The following TCN2 variants were observed in gnomAD, a reference collection of about 807,000 sequenced individuals.
TCN2 encodes transcobalamin 2, also known as transcobalamin-2.
A neutral mutation model predicts 48.6 loss-of-function variants in TCN2; 34 were observed. The ratio of observed to expected loss-of-function variants is 0.70; its 90% CI spans 0.53 to 0.93. The LOEUF (loss-of-function observed/expected upper bound fraction) is 0.93, where lower values mean the gene tolerates loss of function less well. TCN2 is among the 40% of genes least tolerant of loss of function. The pLI, the probability that TCN2 is intolerant of heterozygous loss-of-function variation, is 0.00. For missense variants in TCN2, 652 were observed against 526.1 expected (o/e 1.24, Z -2.34); for synonymous variants, 283 against 212.5 (o/e 1.33, Z -2.89).
rs2087736874 is a variant in TCN2 at position 30,623,740 on chromosome 22, A to ATACACATATATATG, written c.1222+659_1222+660insCACATATATATGTA. 4.4e-5 allele frequency among the ~76,000 whole-genome samples: 3 copies of ATACACATATATATG among 68,018 alleles called. 1 individual carries two copies. The South Asian group carries it at 8.5e-4, about 19-fold the overall frequency. 44.6% of individuals were successfully genotyped at this position (68,018 alleles called of 152,430 possible). On this transcript the variant is annotated intron_variant, in intron 8 of 8. Coordinates refer to ENST00000215838, the MANE Select transcript of TCN2 (RefSeq NM_000355.4). ...GACACACATATATATGTATACATAT[A>ATACACATATATATG]TATACACACATATATATGTATATAT...
rs1381802835 is a variant in TCN2, at chr22:30,623,183, G to A, written c.1222+100G>A. On this transcript the variant is annotated intron_variant, in intron 8 of 8. Coordinates refer to ENST00000215838, the MANE Select transcript of TCN2 (RefSeq NM_000355.4). ...CCCAGCTTTCCCTAGCACCCTCCTGGGCCACACCTTCACAAAATCACTGAT... is the reference window on the plus strand; with the variant it reads ...CCCAGCTTTCCCTAGCACCCTCCTGAGCCACACCTTCACAAAATCACTGAT... The A allele has an allele frequency of 5.3e-6, 6 of 1,121,586 alleles. No individual in the cohort carries two copies. The Admixed American group carries it at 9.4e-5, about 18-fold the overall frequency. The allele number at this position is 1,121,586 out of a possible 1,614,324, so 69.5% of individuals were successfully genotyped here. A position where few individuals can be genotyped will look rare whatever the true frequency, so the allele number is the denominator to read the frequency against.
In TCN2 at chr22:30,613,037, C is replaced by T. The variant is rs534564986; in HGVS notation, c.422C>T (p.Ala141Val). Residue 141 changes from alanine (A) to valine (V), a missense_variant, in exon 3 of 9, where the codon GCC (alanine) becomes GTC (valine). Coordinates refer to ENST00000215838, the MANE Select transcript of TCN2 (RefSeq NM_000355.4). ...TGGTTCCTGGAGGATGAGAAGAGAG[C>T]CATTGGTGAGCAGACACCATCCGCT... is the stretch of plus-strand genomic sequence containing the variant. ...LKWFLEDEKR[A>V]IGHDHKGHPH... The T allele has an allele frequency of 6.2e-7, 1 of 1,613,780 alleles. No individual in the cohort carries two copies. Among genetic ancestry groups the T allele is most frequent in the Non-Finnish European group, 8.5e-7 (1 of 1,179,912 alleles).
At chr22:30,611,401 C>T (rs773012921) in intron 2 of TCN2, among the ~76,000 whole-genome samples, 1 of 152,210 alleles carries the variant, frequency 6.6e-6, no homozygotes, top group South Asian at 2.1e-4. Context: ...TCGATGACTG[C>T]AGTCTTCTAC....
Position 30,620,114 on chromosome 22 carries a change from G to A in TCN2, c.1106+2619G>A, listed in dbSNP as rs146274277. ...CAAGGCGGCAGCAAGCTATGATGACGTCACTGTCCTGTAGCCTGGATGACA... is the reference window on the plus strand; with the variant it reads ...CAAGGCGGCAGCAAGCTATGATGACATCACTGTCCTGTAGCCTGGATGACA... On this transcript the variant is annotated intron_variant, in intron 7 of 8. Coordinates refer to ENST00000215838, the MANE Select transcript of TCN2 (RefSeq NM_000355.4). Among the ~76,000 whole-genome samples the A allele has an allele frequency of 4.9e-3, 739 of 152,050 alleles. 5 individuals carry two copies. The highest frequency in any genetic ancestry group is 0.025 in the South Asian group (121 of 4,806).
At chr22:30,624,974 T>C (rs1466571526) in intron 8 of TCN2, among the ~76,000 whole-genome samples, 1 of 152,168 alleles carries the variant, frequency 6.6e-6, no homozygotes, top group Non-Finnish European at 1.5e-5. Context: ...TCCAGCACTT[T>C]GGGAGGCCAA....
Position 30,626,774 on chromosome 22 carries a change from C to A in TCN2, c.*253C>A, listed in dbSNP as rs2087817403. 1.7e-6 allele frequency: 1 copy of A among 585,464 alleles called. No homozygotes were observed. Among genetic ancestry groups the A allele is most frequent in the African/African-American group, 1.9e-5 (1 of 53,754 alleles). 36.3% of individuals were successfully genotyped at this position (585,464 alleles called of 1,614,324 possible). ...CTGGCCAGCCTGGCCCTGCAGGTCT[C>A]CCATGAAGGCCACCCCATGGTCTGA... On this transcript the variant is annotated 3_prime_UTR_variant, in exon 9 of 9. Transcript: ENST00000215838.
At position 30,626,432 on chromosome 22, in the gene TCN2, C is replaced by T. The variant is rs1235273448; in HGVS notation, c.1223-28C>T. The T allele has an allele frequency of 2.5e-6, 4 of 1,613,674 alleles. No homozygotes were observed. The Admixed American group carries it at 5.0e-5, about 20-fold the overall frequency. On this transcript the variant is annotated intron_variant, in intron 8 of 8. Transcript: ENST00000215838. ...GGGGTGCGATATTCTGCCCAATTCG[C>T]CCCTCCTTGCTCAATCTGTTTCTGC...
chr22:30,612,534 G>A (rs1475551843), intron 2 of TCN2, among the ~76,000 whole-genome samples: 4 of 151,184 alleles, frequency 2.6e-5, no homozygotes, highest in Non-Finnish European at 5.9e-5. Context: ...TGGGCAACAA[G>A]AGCGAAACTC....
At chr22:30,625,877 T>C (rs185634360) in intron 8 of TCN2, among the ~76,000 whole-genome samples, 107 of 152,238 alleles carry the variant, frequency 7.0e-4, no homozygotes, top group Admixed American at 1.0e-3. Context: ...TTTTAACATA[T>C]ACATTTTGGG....
chr22:30,613,021 G>A lies in TCN2; in HGVS notation c.406G>A (p.Glu136Lys). The A allele has an allele frequency of 6.2e-7, 1 of 1,614,098 alleles. No homozygotes were observed. Among genetic ancestry groups the A allele is most frequent in the Non-Finnish European group, 8.5e-7 (1 of 1,179,998 alleles). ...GGTCTCACAGCTCAAATGGTTCCTG[G>A]AGGATGAGAAGAGAGCCATTGGTGA... The part of the protein sequence containing the change: ...RLVSQLKWFL[E>K]DEKRAIGHDH... The change falls in exon 3 of 9, where the codon GAG becomes AAG. Residue 136 changes from glutamate (E) to lysine (K), a missense_variant. Glu to Lys is a moderately conservative substitution (Grantham distance 56). Transcript: ENST00000215838.
chr22:30,616,214 T>C (rs1169511169), intron 6 of TCN2, among the ~76,000 whole-genome samples: 1 of 152,190 alleles, frequency 6.6e-6, no homozygotes, highest in East Asian at 1.9e-4. Context: ...CCAGGTGCAG[T>C]GACTCATGCC....
intron 8 of TCN2, chr22:30,623,312 C>T: frequency 1.9e-6 from 1 of 516,464 alleles, no homozygotes; most frequent in South Asian, 2.3e-5. Flanking sequence ...AAAAAAAAAA[C>T]TAGAAGAAAA....
intron 3 of TCN2, among the ~76,000 whole-genome samples, 199 bp downstream of exon 3, chr22:30,613,241 A>G (rs528250764): frequency 6.6e-6 from 1 of 152,196 alleles, no homozygotes; most frequent in South Asian, 2.1e-4. Flanking sequence ...CGCTGCACAC[A>G]TACTATTGAC....
In TCN2 at chr22:30,626,562, A is replaced by G; in HGVS notation, c.*41A>G. 2.5e-6 allele frequency: 4 copies of G among 1,609,006 alleles called. No individual in the cohort carries two copies. The highest frequency in any genetic ancestry group is 2.2e-5 in the South Asian group (2 of 90,814). On this transcript the variant is annotated 3_prime_UTR_variant, in exon 9 of 9. Transcript: ENST00000215838. ...ATCCCAGCAGCCTCGCACACTCCCTAGGCTTCTACCCTCCCTCCTGATGTC... is the reference window on the plus strand; with the variant it reads ...ATCCCAGCAGCCTCGCACACTCCCTGGGCTTCTACCCTCCCTCCTGATGTC...
chr22:30,623,737 T>A (rs1408498237), intron 8 of TCN2, among the ~76,000 whole-genome samples: 1 of 76,516 alleles, frequency 1.3e-5, no homozygotes, highest in Non-Finnish European at 2.4e-5. Context: ...TATGTATACA[T>A]ATATATACAC....
At chr22:30,615,205 G>A in intron 4 of TCN2, 96 bp from the exon 5 acceptor site, 1 of 1,355,104 alleles carries the variant, frequency 7.4e-7, no homozygotes, top group South Asian at 1.2e-5. Context: ...CCCTCCTGTG[G>A]TTGTCCATAG....
At position 30,613,674 on chromosome 22, in the gene TCN2, T is replaced by C. The variant is rs12159600; in HGVS notation, c.427+632T>C. 3.5e-3 allele frequency among the ~76,000 whole-genome samples: 528 copies of C among 152,292 alleles called. 2 individuals are homozygous for C. The highest frequency in any genetic ancestry group is 0.012 in the African/African-American group (506 of 41,566). ...CCTGCTTATGACTTACGCCATAGTC[T>C]GTCTCTACTAGCTCTCCTGCCCTGA... On this transcript the variant is annotated intron_variant, in intron 3 of 8. Coordinates refer to ENST00000215838, the MANE Select transcript of TCN2 (RefSeq NM_000355.4).
At chr22:30,612,834 G>A in intron 2 of TCN2, 39 bp from the exon 3 acceptor site, 1 of 1,611,304 alleles carries the variant, frequency 6.2e-7, no homozygotes, top group Non-Finnish European at 8.5e-7. Context: ...CTTACGGGGT[G>A]GCAGTTTCTC....
chr22:30,615,495 C>T, intron 5 of TCN2, 22 bp downstream of exon 5: 1 of 1,612,490 alleles, frequency 6.2e-7, no homozygotes, highest in Non-Finnish European at 8.5e-7. Context: ...ACCCTGGAGC[C>T]ATGGCCACCC....
Sources: allele counts gnomAD v4.1 joint callset (sites outside exome capture counted in the v4.1 genomes callset), GRCh38; gene constraint gnomAD v4.1.1; transcripts MANE v1.5; gene names NCBI Gene and HGNC (gene_info 2026-07-23, HGNC 2026-07-21).